Variants in AGAP1 observed in about 807,000 individuals in gnomAD.
AGAP1 encodes ArfGAP with GTPase domain, ankyrin repeat and PH domain 1, also known as arf-GAP with GTPase, ANK repeat and PH domain-containing protein 1.
In AGAP1, 29 loss-of-function variants were observed where a neutral mutation model predicts 105.3. The ratio of observed to expected loss-of-function variants is 0.28; its 90% CI spans 0.21 to 0.38. The LOEUF (loss-of-function observed/expected upper bound fraction) is 0.38, where lower values mean the gene tolerates loss of function less well. Ranked by LOEUF, AGAP1 falls within the 10% of genes least tolerant of loss-of-function variation. The probability of loss-of-function intolerance (pLI) is 1.00; values close to 1 mark genes in which losing one functional copy is unlikely to be tolerated. For synonymous variants in AGAP1, 509 were observed against 485.9 expected, an observed-to-expected ratio of 1.05 and a Z score of -0.63; for missense variants, 998 against 1,165.1, an observed-to-expected ratio of 0.86 and a Z score of 2.09.
rs528470649 is a variant in AGAP1, at chr2:235,615,146, A to G, written c.164-94033A>G. ...TGAGCAGCCTCTGCTCCTTCATTTG[A>G]TTGCTATGACAACCCACAGAGGTGG... On this transcript the variant is annotated intron_variant, in intron 1 of 17. Coordinates refer to ENST00000304032, the MANE Select transcript of AGAP1 (RefSeq NM_001037131.3). The surrounding 1 kb of genome is among the most constrained non-coding windows in gnomAD (Gnocchi z 5.0). Among the ~76,000 whole-genome samples the G allele has an allele frequency of 6.6e-6, 1 of 152,274 alleles. No homozygotes were observed. The highest frequency in any genetic ancestry group is 2.4e-5 in the African/African-American group (1 of 41,546).
At chr2:235,534,082 T>A in intron 1 of AGAP1, among the ~76,000 whole-genome samples, 1 of 152,240 alleles carries the variant, frequency 6.6e-6, no homozygotes, top group Admixed American at 6.5e-5. Context: ...ACAGCAGTCC[T>A]GTGGGCCGCA....
At chr2:236,019,226 G>A (rs1363365213) in intron 13 of AGAP1, among the ~76,000 whole-genome samples, 1 of 152,210 alleles carries the variant, frequency 6.6e-6, no homozygotes, top group African/African-American at 2.4e-5. Context: ...GGTCCCTGCT[G>A]GGATGCGCCA....
At chr2:235,505,423 A>G (rs575738569) in intron 1 of AGAP1, among the ~76,000 whole-genome samples, 86 of 152,212 alleles carry the variant, frequency 5.7e-4, no homozygotes, top group African/African-American at 2.0e-3. Flanking sequence ...GTGGCTTTGC[A>G]ATGGCAAATA....
intron 8 of AGAP1, among the ~76,000 whole-genome samples, chr2:235,806,684 T>C (rs1172060268): frequency 6.6e-6 from 1 of 152,208 alleles, no homozygotes; most frequent in Non-Finnish European, 1.5e-5. Flanking sequence ...TTTGTGGTAT[T>C]GTCCACTAGC....
chr2:235,509,030 C>T (rs573747173), intron 1 of AGAP1, among the ~76,000 whole-genome samples: 1 of 152,178 alleles, frequency 6.6e-6, no homozygotes, highest in Non-Finnish European at 1.5e-5. Flanking sequence ...GCATCCTAGC[C>T]GTGTGGGGTG....
Position 235,986,090 on chromosome 2 carries a change from C to T in AGAP1, c.1645+17467C>T, listed in dbSNP as rs565462482. 1.8e-4 allele frequency among the ~76,000 whole-genome samples: 27 copies of T among 152,300 alleles called. No individual in the cohort carries two copies. In the South Asian group the frequency reaches 5.2e-3, roughly 29 times the overall value. On this transcript the variant is annotated intron_variant, in intron 13 of 17. Transcript: ENST00000304032. ...GGCCATTTTCATGATATTGATTCTT[C>T]CTATCCATGAGGATGGAGTTTTTTT...
rs942206792 is a variant in AGAP1, at chr2:236,096,608, C to T, written c.2115-23584C>T. On this transcript the variant is annotated intron_variant, in intron 16 of 17. Transcript: ENST00000304032. The surrounding 1 kb of genome is among the most constrained non-coding windows in gnomAD (Gnocchi z 4.4). Reference sequence around the variant, plus strand: ...TTTTTATTTTTTTGGGACAGAGTCTCGCTCTTGTCACCCAGGCTGGAGTGC... The same window carrying T: ...TTTTTATTTTTTTGGGACAGAGTCTTGCTCTTGTCACCCAGGCTGGAGTGC... Among the ~76,000 whole-genome samples the T allele has an allele frequency of 7.9e-5, 12 of 151,678 alleles. No homozygotes were observed. The highest frequency in any genetic ancestry group is 4.2e-4 in the South Asian group (2 of 4,786).
intron 16 of AGAP1, among the ~76,000 whole-genome samples, chr2:236,081,431 A>G (rs2058779918): frequency 6.6e-6 from 1 of 152,218 alleles, no homozygotes; most frequent in Non-Finnish European, 1.5e-5. Context: ...TGTGTGTCAC[A>G]TGTTAGTAGC....
rs1559417632 is a variant in AGAP1 at position 235,739,236 on chromosome 2, G to T, written c.311-1727G>T. Among the ~76,000 whole-genome samples the T allele has an allele frequency of 1.3e-5, 2 of 152,232 alleles. No homozygotes were observed. The highest frequency in any genetic ancestry group is 1.9e-4 in the East Asian group (1 of 5,192). On this transcript the variant is annotated intron_variant, in intron 3 of 17. Transcript: ENST00000304032. This position sits in a 1 kb window ranked among gnomAD's most constrained non-coding sequence, Gnocchi z 5.3. ...TCAGGCAGAGCTAGGCCAGTATCGG[G>T]GTCTGGGGGCGACCGTCTGCAGCAC...
chr2:235,982,307 T>A lies in AGAP1; in HGVS notation c.1645+13684T>A, dbSNP rs1260457593. On this transcript the variant is annotated intron_variant, in intron 13 of 17. Coordinates refer to ENST00000304032, the MANE Select transcript of AGAP1 (RefSeq NM_001037131.3). The surrounding 1 kb of genome is among the most constrained non-coding windows in gnomAD (Gnocchi z 4.9). ...CAGAGTAACTCTTACAATTAACATA[T>A]AATTACCTCAACGGGCCAATTAATT... is the stretch of plus-strand genomic sequence containing the variant. Among the ~76,000 whole-genome samples the A allele has an allele frequency of 6.7e-6, 1 of 150,306 alleles. No individual in the cohort carries two copies. Among genetic ancestry groups the A allele is most frequent in the Admixed American group, 6.6e-5 (1 of 15,264 alleles).
rs532579552 is a variant in AGAP1 at position 235,534,070 on chromosome 2, C to T, written c.163+39221C>T. On this transcript the variant is annotated intron_variant, in intron 1 of 17. Transcript: ENST00000304032. ...CCTCCAAACACCGTCGCTGTCGATG[C>T]TACAGCAGTCCTGTGGGCCGCAGAA... Among the ~76,000 whole-genome samples, 41 of 152,328 alleles carry T rather than the reference C, an allele frequency of 2.7e-4. 1 individual carries two copies. The South Asian group carries it at 8.5e-3, about 32-fold the overall frequency.
chr2:235,550,793 GAGAT>G lies in AGAP1; in HGVS notation c.163+55948_163+55951del, dbSNP rs1173199087. ...TATTTATTTTTATCTTATTTTTTTT[GAGAT>G]AGAGTCTCACTCTGTTGCCCAGGCT... On this transcript the variant is annotated intron_variant, in intron 1 of 17. Coordinates refer to ENST00000304032, the MANE Select transcript of AGAP1 (RefSeq NM_001037131.3). The surrounding 1 kb of genome is among the most constrained non-coding windows in gnomAD (Gnocchi z 4.6). 6.6e-6 allele frequency among the ~76,000 whole-genome samples: 1 copy of G among 151,862 alleles called. No homozygotes were observed.
intron 12 of AGAP1, among the ~76,000 whole-genome samples, chr2:235,935,556 C>T (rs2052948504): frequency 6.6e-6 from 1 of 152,132 alleles, no homozygotes; most frequent in South Asian, 2.1e-4. Flanking sequence ...CATGTCAGAT[C>T]CTGTTGTGGT....
chr2:236,073,231 G>A lies in AGAP1; in HGVS notation c.2114+23950G>A, dbSNP rs866379146. On this transcript the variant is annotated intron_variant, in intron 16 of 17. Coordinates refer to ENST00000304032, the MANE Select transcript of AGAP1 (RefSeq NM_001037131.3). The surrounding 1 kb of genome is among the most constrained non-coding windows in gnomAD (Gnocchi z 5.4). ...AGGCTGGTCTCGAACTCCTGACCTC[G>A]TGAACCACCCGCCTCGGCCTCCCAA... Among the ~76,000 whole-genome samples the A allele has an allele frequency of 5.9e-5, 9 of 152,026 alleles. No individual in the cohort carries two copies. Among genetic ancestry groups the A allele is most frequent in the Admixed American group, 2.6e-4 (4 of 15,266 alleles).
rs767261188 is a variant in AGAP1 at position 235,874,979 on chromosome 2, A to C, written c.1051-8366A>C. Among the ~76,000 whole-genome samples the C allele has an allele frequency of 2.0e-4, 30 of 152,216 alleles. No homozygotes were observed. Among genetic ancestry groups the C allele is most frequent in the Non-Finnish European group, 3.5e-4 (24 of 68,032 alleles). ...CTTGTGAAGCGGAAGCAAACTAGAAACAGCTCTCCCAAACGTGGGCAAAAA... is the reference window on the plus strand; with the variant it reads ...CTTGTGAAGCGGAAGCAAACTAGAACCAGCTCTCCCAAACGTGGGCAAAAA... On this transcript the variant is annotated intron_variant, in intron 9 of 17. Transcript: ENST00000304032. This position sits in a 1 kb window ranked among gnomAD's most constrained non-coding sequence, Gnocchi z 4.5.
At chr2:235,506,624 A>G (rs374018123) in intron 1 of AGAP1, among the ~76,000 whole-genome samples, 1 of 152,198 alleles carries the variant, frequency 6.6e-6, no homozygotes, top group Non-Finnish European at 1.5e-5. Context: ...TATTTGTCCA[A>G]GAGTTTCTTG....
chr2:235,803,563 C>T (rs933559595), intron 8 of AGAP1, among the ~76,000 whole-genome samples: 2 of 152,108 alleles, frequency 1.3e-5, no homozygotes, highest in African/African-American at 2.4e-5. Context: ...CACTATCCAC[C>T]TTATTTATTA....
rs772010019 is a variant in AGAP1, at chr2:235,799,534, C to A, written c.957+12C>A. 2 of 1,611,516 alleles carry A rather than the reference C, an allele frequency of 1.2e-6. No individual in the cohort carries two copies. Among genetic ancestry groups the A allele is most frequent in the Non-Finnish European group, 1.7e-6 (2 of 1,177,964 alleles). ...CCAACCTGTTCACCGTGAGTGTCAACCCTGGGTGGAGATTTGAATGCGATT... is the reference window on the plus strand; with the variant it reads ...CCAACCTGTTCACCGTGAGTGTCAAACCTGGGTGGAGATTTGAATGCGATT... On this transcript the variant is annotated intron_variant, in intron 8 of 17. Transcript: ENST00000304032. This position sits in a 1 kb window ranked among gnomAD's most constrained non-coding sequence, Gnocchi z 5.0.
At chr2:235,923,660 G>A (rs2052300838) in intron 11 of AGAP1, among the ~76,000 whole-genome samples, 1 of 152,198 alleles carries the variant, frequency 6.6e-6, no homozygotes, top group South Asian at 2.1e-4. Context: ...TGTCACCGCA[G>A]TTGTGGCCCG....
Sources: gnomAD v4.1 joint callset for allele counts (sites outside exome capture counted in the v4.1 genomes callset) on GRCh38, gnomAD v4.1.1 for gene constraint, Gnocchi (gnomAD v3.1) non-coding constraint, MANE v1.5 for transcripts, NCBI Gene and HGNC (gene_info 2026-07-23, HGNC 2026-07-21) for gene names.